The following AIMP2 variants were observed in gnomAD, a reference collection of about 807,000 sequenced individuals.
AIMP2 encodes aminoacyl tRNA synthetase complex interacting multifunctional protein 2, also known as aminoacyl tRNA synthase complex-interacting multifunctional protein 2.
A neutral mutation model predicts 23.4 loss-of-function variants in AIMP2; 20 were observed. The observed-to-expected ratio is 0.85, with a 90% CI of 0.60 to 1.24. The LOEUF is 1.24. AIMP2 is among the 50% of genes most tolerant of loss of function. AIMP2 has a pLI of 0.00. For synonymous variants in AIMP2, 210 were observed against 170.4 expected, an observed-to-expected ratio of 1.23 and a Z score of -1.81; for missense variants, 515 against 414.5, an observed-to-expected ratio of 1.24 and a Z score of -2.10.
intron 1 of AIMP2, among the ~76,000 whole-genome samples, chr7:6,014,003 C>T (rs895405859): frequency 3.3e-5 from 5 of 151,866 alleles, no homozygotes; most frequent in Admixed American, 2.6e-4. Flanking sequence ...ATTACTTGGC[C>T]CCATGGACGT....
intron 1 of AIMP2, chr7:6,013,220 G>A (rs1479025329): frequency 6.6e-6 from 1 of 151,638 alleles, no homozygotes; most frequent in African/African-American, 2.4e-5. Context: ...TAAGCACCTA[G>A]CAGGTTAGCA....
intron 1 of AIMP2, 149 bp downstream of exon 1, chr7:6,009,647 T>G: frequency 1.5e-6 from 1 of 678,140 alleles, no homozygotes; most frequent in Non-Finnish European, 2.1e-6. Flanking sequence ...CTCAGACTTT[T>G]ATGTTTTAAA....
At chr7:6,020,486 G>A (rs997478972) in intron 3 of AIMP2, among the ~76,000 whole-genome samples, 1 of 152,190 alleles carries the variant, frequency 6.6e-6, no homozygotes, top group African/African-American at 2.4e-5. Context: ...CATACCTATA[G>A]ACTCTCATAA....
chr7:6,021,496 G>A (rs1787414421), intron 3 of AIMP2, among the ~76,000 whole-genome samples: 1 of 152,116 alleles, frequency 6.6e-6, no homozygotes, highest in Non-Finnish European at 1.5e-5. Context: ...CCAGATGTGC[G>A]TGACTTCATA....
chr7:6,014,914 T>G (rs1786925219), intron 1 of AIMP2: 1 of 739,382 alleles, frequency 1.4e-6, no homozygotes, highest in Non-Finnish European at 1.9e-6. Flanking sequence ...GAGACGGGGT[T>G]TCACCATGTT....
intron 1 of AIMP2, among the ~76,000 whole-genome samples, chr7:6,012,082 A>G (rs1786723223): frequency 6.6e-6 from 1 of 152,070 alleles, no homozygotes; most frequent in Non-Finnish European, 1.5e-5. Flanking sequence ...GTGAAACCCC[A>G]TTGTTACAAA....
chr7:6,009,378 G>C lies in AIMP2; in HGVS notation c.15G>C (p.Gln5His), dbSNP rs754373311. The C allele has an allele frequency of 4.3e-5, 69 of 1,611,714 alleles. 1 individual carries two copies. In the South Asian group the frequency reaches 7.6e-4, roughly 18 times the overall value. The change falls in exon 1 of 4, where the codon CAG becomes CAC. Residue 5 changes from glutamine (Q) to histidine (H), a missense_variant. Coordinates refer to ENST00000223029, the MANE Select transcript of AIMP2 (RefSeq NM_006303.4). MPMY[Q>H]VKPYHGGGAP... The stretch of plus-strand genomic sequence containing the variant: ...TTGGTTCTGCCATGCCGATGTACCA[G>C]GTAAAGCCCTATCACGGGGGCGGCG...
At chr7:6,009,974 A>AATATATAC (rs1554310936) in intron 1 of AIMP2, among the ~76,000 whole-genome samples, 2 of 26,660 alleles carry the variant, frequency 7.5e-5, no homozygotes, top group African/African-American at 1.4e-4. Flanking sequence ...AAAAAAAAAA[A>AATATATAC]ATATATATAT....
rs775502742 is a variant in AIMP2 at position 6,023,556 on chromosome 7, A to G, written c.828A>G (p.Val276=). 18 of 1,614,250 alleles carry G rather than the reference A, an allele frequency of 1.1e-5. 1 individual carries two copies. The South Asian group carries it at 2.0e-4, about 18-fold the overall frequency. Residue 276 remains valine (V), a synonymous_variant, in exon 4 of 4, where the codon GTA becomes GTG. Transcript: ENST00000223029. ...SPWLAGNELT[V]ADVVLWSVLQ... ...GGCTCGCTGGGAATGAACTCACCGT[A>G]GCAGACGTGGTGCTGTGGTCTGTAC...
At chr7:6,011,766 T>C (rs1363689630) in intron 1 of AIMP2, among the ~76,000 whole-genome samples, 2 of 152,170 alleles carry the variant, frequency 1.3e-5, no homozygotes, top group Non-Finnish European at 2.9e-5. Flanking sequence ...CACAGTCCCA[T>C]GAAGCCAAAA....
chr7:6,020,883 T>G (rs1216995866), intron 3 of AIMP2, among the ~76,000 whole-genome samples: 1 of 152,214 alleles, frequency 6.6e-6, no homozygotes, highest in Non-Finnish European at 1.5e-5. Context: ...CAGCTGTGTT[T>G]ATGATCAGGC....
intron 1 of AIMP2, chr7:6,014,928 C>T: frequency 2.1e-6 from 2 of 948,722 alleles, no homozygotes; most frequent in Non-Finnish European, 2.9e-6. Context: ...CCATGTTGGC[C>T]AGGCTGGTCT....
chr7:6,023,541 G>T lies in AIMP2; in HGVS notation c.813G>T (p.Gly271=). The change falls in exon 4 of 4, where the codon GGG becomes GGT. Residue 271 remains glycine (G), a synonymous_variant. Coordinates refer to ENST00000223029, the MANE Select transcript of AIMP2 (RefSeq NM_006303.4). The part of the protein sequence containing the change: ...SALGKSPWLA[G]NELTVADVVL... ...TTGGGAAGAGCCCTTGGCTCGCTGG[G>T]AATGAACTCACCGTAGCAGACGTGG... 6.2e-7 allele frequency: 1 copy of T among 1,614,226 alleles called. No individual in the cohort carries two copies. Among genetic ancestry groups the T allele is most frequent in the South Asian group, 1.1e-5 (1 of 91,088 alleles).
At chr7:6,010,196 A>C (rs1423667995) in intron 1 of AIMP2, among the ~76,000 whole-genome samples, 2 of 151,328 alleles carry the variant, frequency 1.3e-5, no homozygotes, top group Non-Finnish European at 2.9e-5. Context: ...ATGGTTGCTT[A>C]AACATTTTGG....
intron 1 of AIMP2, among the ~76,000 whole-genome samples, chr7:6,014,516 T>TC (rs1429431562): frequency 1.3e-4 from 20 of 150,896 alleles, no homozygotes; most frequent in Non-Finnish European, 3.0e-4. Context: ...CCCTCAAGCC[T>TC]CCCAAAGTGC....
intron 3 of AIMP2, among the ~76,000 whole-genome samples, chr7:6,021,257 T>A (rs1212106950): frequency 6.7e-6 from 1 of 149,952 alleles, no homozygotes; most frequent in East Asian, 2.0e-4. Flanking sequence ...GGCAGGAGAA[T>A]TGCTTGAACC....
chr7:6,009,974 A>AAAAAATATATAT, intron 1 of AIMP2, among the ~76,000 whole-genome samples: 3 of 26,654 alleles, frequency 1.1e-4, no homozygotes, highest in Admixed American at 4.1e-4. Context: ...AAAAAAAAAA[A>AAAAAATATATAT]ATATATATAT....
Position 6,009,980 on chromosome 7 carries a change from T to C in AIMP2, c.135+482T>C, listed in dbSNP as rs1284193156. Among the ~76,000 whole-genome samples, 101 of 67,100 alleles carry C rather than the reference T, an allele frequency of 1.5e-3. 9 individuals are homozygous for C. The highest frequency in any genetic ancestry group is 2.4e-3 in the South Asian group (4 of 1,670). 44.0% of individuals were successfully genotyped at this position (67,100 alleles called of 152,430 possible). A position where few individuals can be genotyped will look rare whatever the true frequency, so the allele number is the denominator to read the frequency against. ...AAAAAAAAAAAAAAAAAAAAATATA[T>C]ATATATATATATGTATGTATCTTTC... On this transcript the variant is annotated intron_variant, in intron 1 of 3. Coordinates refer to ENST00000223029, the MANE Select transcript of AIMP2 (RefSeq NM_006303.4).
chr7:6,014,911 G>T (rs1786924762), intron 1 of AIMP2: 13 of 684,012 alleles, frequency 1.9e-5, no homozygotes, highest in Non-Finnish European at 2.6e-5. Flanking sequence ...GTAGAGACGG[G>T]GTTTCACCAT....
Sources: allele counts gnomAD v4.1 joint callset (sites outside exome capture counted in the v4.1 genomes callset), GRCh38; gene constraint gnomAD v4.1.1; transcripts MANE v1.5; gene names NCBI Gene and HGNC (gene_info 2026-07-23, HGNC 2026-07-21).